GCNT2: variants seen among roughly 807,000 people sequenced by gnomAD.
GCNT2 encodes the protein N-acetyllactosaminide beta-1,6-N-acetylglucosaminyl-transferase.
In GCNT2, 34 loss-of-function variants were observed where a neutral mutation model predicts 34.2. The observed-to-expected ratio is 1.00, with a 90% CI of 0.76 to 1.32. The LOEUF is 1.32. GCNT2 is among the 40% of genes most tolerant of loss of function. GCNT2 has a pLI of 0.00. For synonymous variants in GCNT2, 212 were observed against 188.0 expected, an observed-to-expected ratio of 1.13 and a Z score of -1.04; for missense variants, 584 against 489.4, an observed-to-expected ratio of 1.19 and a Z score of -1.82.
chr6:10,555,942 G>T (rs975076353), intron 3 of GCNT2: 10 of 1,014,242 alleles, frequency 9.9e-6, no homozygotes, highest in African/African-American at 3.5e-5. Flanking sequence ...AAGTCCAGCC[G>T]CCTGCTAGGG....
In GCNT2 at chr6:10,537,425, G is replaced by A. The variant is rs147412215; in HGVS notation, c.925+7589G>A. ...AATCAAAAATGCATTTAATGGCCAC[G>A]TGGGGTGGCTAACGCCTGTAATCCC... On this transcript the variant is annotated intron_variant, in intron 3 of 4. Coordinates refer to ENST00000495262, the MANE Select transcript of GCNT2 (RefSeq NM_145649.5). 4.0e-3 allele frequency among the ~76,000 whole-genome samples: 615 copies of A among 152,050 alleles called. 3 individuals carry two copies. The highest frequency in any genetic ancestry group is 0.014 in the African/African-American group (592 of 41,366).
intron 1 of GCNT2, among the ~76,000 whole-genome samples, chr6:10,523,103 A>G (rs760831237): frequency 2.0e-5 from 3 of 152,124 alleles, no homozygotes; most frequent in Non-Finnish European, 4.4e-5. Context: ...CATTGCCTCA[A>G]AGTTATTTGA....
chr6:10,545,444 C>A (rs1762228529), intron 3 of GCNT2, among the ~76,000 whole-genome samples: 1 of 152,154 alleles, frequency 6.6e-6, no homozygotes, highest in Admixed American at 6.5e-5. Context: ...CTGAGCTTGA[C>A]AAACTTAGGA....
At chr6:10,574,973 C>T (rs1243107917) in intron 3 of GCNT2, 14 of 721,586 alleles carry the variant, frequency 1.9e-5, no homozygotes, top group African/African-American at 3.5e-5. Context: ...ATTCTCTTGG[C>T]AAGAATCTTG....
In GCNT2 at chr6:10,528,955, T is replaced by C; in HGVS notation, c.44T>C (p.Ile15Thr). The C allele has an allele frequency of 1.2e-6, 2 of 1,614,056 alleles. No individual in the cohort carries two copies. Among genetic ancestry groups the C allele is most frequent in the South Asian group, 2.2e-5 (2 of 91,078 alleles). The change falls in exon 3 of 5, where the codon ATC becomes ACC. Residue 15 changes from isoleucine (I) to threonine (T), a missense_variant. Ile to Thr is a moderately conservative substitution (Grantham distance 89). Transcript: ENST00000495262. ...CACTGTCTTTTTAGCGCGTCTCTTA[T>C]CTCTGCCCTGATTTTTGTATTTGTT... Reference protein sequence around the residue: ...WKHCLFSASLISALIFVFVYN... With the variant: ...WKHCLFSASLTSALIFVFVYN...
chr6:10,523,370 G>C (rs1431484109), intron 1 of GCNT2, among the ~76,000 whole-genome samples: 1 of 149,954 alleles, frequency 6.7e-6, no homozygotes, highest in Non-Finnish European at 1.5e-5. Context: ...AGGCTTCAGT[G>C]AGCCGGGATG....
At chr6:10,553,815 C>G (rs517371) in intron 3 of GCNT2, among the ~76,000 whole-genome samples, 73,839 of 152,158 alleles carry the variant, frequency 0.49, 20,547 homozygotes, top group African/African-American at 0.78. Context: ...GATTGCTTGA[C>G]CCCAGGAGGT....
intron 3 of GCNT2, among the ~76,000 whole-genome samples, chr6:10,595,036 G>T (rs1764792896): frequency 6.6e-6 from 1 of 151,888 alleles, no homozygotes; most frequent in African/African-American, 2.4e-5. Context: ...GTCGAGTCGG[G>T]GTTTTACTAT....
At chr6:10,533,287 CAG>C (rs1561781403) in intron 3 of GCNT2, among the ~76,000 whole-genome samples, 1 of 151,810 alleles carries the variant, frequency 6.6e-6, no homozygotes, top group Admixed American at 6.6e-5. Flanking sequence ...GTCTGGGCGA[CAG>C]AGTGAGACTC....
At chr6:10,556,561 A>G (rs764161670) in intron 3 of GCNT2, 103 of 1,614,096 alleles carry the variant, frequency 6.4e-5, no homozygotes, top group Non-Finnish European at 3.4e-6. Flanking sequence ...GGCTGACTCA[A>G]GTTTGCACAT....
At chr6:10,563,977 C>A (rs761466804) in intron 3 of GCNT2, among the ~76,000 whole-genome samples, 6 of 151,896 alleles carry the variant, frequency 4.0e-5, no homozygotes, top group Non-Finnish European at 7.4e-5. Context: ...GAAGATGAAA[C>A]TTAGCTAATT....
chr6:10,570,902 T>G (rs1763527258), intron 3 of GCNT2, among the ~76,000 whole-genome samples: 1 of 152,242 alleles, frequency 6.6e-6, no homozygotes, highest in Non-Finnish European at 1.5e-5. Context: ...CTTGTAGATT[T>G]ATCTCTGGTC....
At chr6:10,559,089 T>C (rs537600575) in intron 3 of GCNT2, among the ~76,000 whole-genome samples, 3 of 151,098 alleles carry the variant, frequency 2.0e-5, no homozygotes, top group Admixed American at 6.6e-5. Context: ...TTTTTTTTTT[T>C]AGAAAAACAT....
intron 3 of GCNT2, among the ~76,000 whole-genome samples, chr6:10,594,567 G>C (rs1581460549): frequency 6.6e-6 from 1 of 152,154 alleles, no homozygotes; most frequent in African/African-American, 2.4e-5. Context: ...TGGCTACTTA[G>C]TAAGGCTGTT....
intron 3 of GCNT2, among the ~76,000 whole-genome samples, chr6:10,540,657 A>C (rs577541599): frequency 6.6e-5 from 10 of 152,174 alleles, no homozygotes; most frequent in Non-Finnish European, 1.0e-4. Flanking sequence ...ATCACTTTGC[A>C]TGAGGAACGG....
intron 3 of GCNT2, among the ~76,000 whole-genome samples, chr6:10,580,770 C>T (rs1764036218): frequency 1.3e-5 from 2 of 152,108 alleles, no homozygotes; most frequent in Non-Finnish European, 2.9e-5. Flanking sequence ...GGAAGCAGAG[C>T]TCGTGGAAGA....
At chr6:10,543,796 A>G (rs1230484023) in intron 3 of GCNT2, among the ~76,000 whole-genome samples, 2 of 152,188 alleles carry the variant, frequency 1.3e-5, no homozygotes, top group Non-Finnish European at 2.9e-5. Flanking sequence ...AGATTGTTGC[A>G]ATCACTGAGG....
At chr6:10,541,912 C>T (rs1306981781) in intron 3 of GCNT2, among the ~76,000 whole-genome samples, 1 of 152,132 alleles carries the variant, frequency 6.6e-6, no homozygotes, top group African/African-American at 2.4e-5. Flanking sequence ...TTTGTTGTCA[C>T]TGTAGTTAGG....
At chr6:10,560,268 T>G (rs1381322924) in intron 3 of GCNT2, among the ~76,000 whole-genome samples, 1 of 150,340 alleles carries the variant, frequency 6.7e-6, no homozygotes, top group Non-Finnish European at 1.5e-5. Flanking sequence ...TTTTTGTATT[T>G]TAGTAGAGAC....
Sources: gnomAD v4.1 joint callset for allele counts (sites outside exome capture counted in the v4.1 genomes callset) on GRCh38, gnomAD v4.1.1 for gene constraint, MANE v1.5 for transcripts, NCBI Gene and HGNC (gene_info 2026-07-23, HGNC 2026-07-21) for gene names.